The following LPP variants were observed in gnomAD, a reference collection of about 807,000 sequenced individuals.
LPP encodes the protein lipoma-preferred partner.
In LPP, 38 loss-of-function variants were observed where a neutral mutation model predicts 60.4. The observed-to-expected ratio is 0.63, with a 90% CI of 0.49 to 0.83. The LOEUF (loss-of-function observed/expected upper bound fraction) is 0.83. Ranked by LOEUF, LPP falls within the 40% of genes least tolerant of loss-of-function variation. LPP has a pLI of 0.00. For missense variants in LPP, 902 were observed against 783.6 expected, an observed-to-expected ratio of 1.15 and a Z score of -1.80; for synonymous variants, 328 against 290.8, an observed-to-expected ratio of 1.13 and a Z score of -1.30.
chr3:188,843,480 A>G (rs1445110027), intron 9 of LPP, among the ~76,000 whole-genome samples: 1 of 152,046 alleles, frequency 6.6e-6, no homozygotes, highest in Admixed American at 6.6e-5. Flanking sequence ...CTGACATCCT[A>G]CGGTCCCTTA....
intron 9 of LPP, among the ~76,000 whole-genome samples, chr3:188,815,909 T>C (rs774898103): frequency 6.6e-6 from 1 of 152,182 alleles, no homozygotes; most frequent in East Asian, 1.9e-4. Flanking sequence ...ATTACTGGGG[T>C]CTTTGTATCA....
chr3:188,601,709 T>G (rs1841206652), intron 6 of LPP, among the ~76,000 whole-genome samples: 1 of 152,176 alleles, frequency 6.6e-6, no homozygotes, highest in South Asian at 2.1e-4. Flanking sequence ...TAAAAAGCCC[T>G]AAATGATTCT....
chr3:188,487,988 C>T (rs1397256038), intron 5 of LPP, among the ~76,000 whole-genome samples: 2 of 150,884 alleles, frequency 1.3e-5, no homozygotes, highest in Admixed American at 6.6e-5. Flanking sequence ...CATCTAGTTA[C>T]AGTCCTTTCA....
intron 4 of LPP, among the ~76,000 whole-genome samples, chr3:188,471,782 A>T (rs113258357): frequency 2.0e-5 from 3 of 152,264 alleles, no homozygotes; most frequent in African/African-American, 7.2e-5. Flanking sequence ...TTTTAATGTA[A>T]TGCATTTATG....
chr3:188,600,572 T>G (rs1389918430), intron 6 of LPP, among the ~76,000 whole-genome samples: 1 of 152,020 alleles, frequency 6.6e-6, no homozygotes, highest in African/African-American at 2.4e-5. Context: ...ATACAGAATT[T>G]CACATTCTAA....
At chr3:188,641,513 G>A (rs1850119677) in intron 7 of LPP, among the ~76,000 whole-genome samples, 1 of 152,172 alleles carries the variant, frequency 6.6e-6, no homozygotes, top group South Asian at 2.1e-4. Flanking sequence ...GTTCAGCACA[G>A]TAATAAGGCT....
chr3:188,836,153 A>G (rs1758393535), intron 9 of LPP, among the ~76,000 whole-genome samples: 1 of 152,260 alleles, frequency 6.6e-6, no homozygotes, highest in Admixed American at 6.5e-5. Context: ...AGAAGAAGAC[A>G]GTAATGAAAA....
intron 1 of LPP, among the ~76,000 whole-genome samples, chr3:188,215,245 G>C (rs1713064501): frequency 6.6e-6 from 1 of 152,024 alleles, no homozygotes; most frequent in African/African-American, 2.4e-5. Flanking sequence ...AGTGGAGGTT[G>C]CAGTGAGCCA....
chr3:188,496,043 A>G (rs996026632), intron 5 of LPP, among the ~76,000 whole-genome samples: 4 of 152,190 alleles, frequency 2.6e-5, no homozygotes, highest in African/African-American at 7.2e-5. Context: ...TTGAGGGGTT[A>G]AGCTATTATT....
At chr3:188,811,800 T>C (rs1162536419) in intron 9 of LPP, among the ~76,000 whole-genome samples, 1 of 152,186 alleles carries the variant, frequency 6.6e-6, no homozygotes, top group Non-Finnish European at 1.5e-5. Flanking sequence ...GTTTGAGTAT[T>C]GGAACATTGT....
At chr3:188,843,919 T>C (rs564709044) in intron 9 of LPP, among the ~76,000 whole-genome samples, 182 of 152,152 alleles carry the variant, frequency 1.2e-3, no homozygotes, top group Middle Eastern at 0.01. Context: ...CCTCTTCCTC[T>C]CTCACACTCT....
At chr3:188,441,559 A>G (rs1275756213) in intron 4 of LPP, among the ~76,000 whole-genome samples, 1 of 150,126 alleles carries the variant, frequency 6.7e-6, no homozygotes, top group Non-Finnish European at 1.5e-5. Context: ...AAATCCCCCT[A>G]AAGTTTTCCA....
At chr3:188,705,089 A>G (rs1483184734) in intron 7 of LPP, among the ~76,000 whole-genome samples, 1 of 152,210 alleles carries the variant, frequency 6.6e-6, no homozygotes, top group Non-Finnish European at 1.5e-5. Flanking sequence ...ACTTGAAGTC[A>G]TCATGTTTAA....
chr3:188,764,551 G>A (rs988516349), intron 9 of LPP, among the ~76,000 whole-genome samples: 15 of 152,156 alleles, frequency 9.9e-5, no homozygotes, highest in Middle Eastern at 3.2e-3. Context: ...TATTAAAAGC[G>A]GAGGTTCATG....
chr3:188,269,158 G>T (rs1426387544), intron 2 of LPP, among the ~76,000 whole-genome samples: 2 of 152,130 alleles, frequency 1.3e-5, no homozygotes, highest in African/African-American at 2.4e-5. Context: ...TACTGTTAAG[G>T]GTTAATAGGT....
chr3:188,881,139 C>CAAAAAAAAAAAAGAAAAAAAAAAA lies in LPP; in HGVS notation c.*6672_*6673insGAAAAAAAAAAAAAAAAAAAAAAA, dbSNP rs1769954213. The stretch of plus-strand genomic sequence containing the variant: ...TGGGCGAAAGAGCGAGACTCCGTCT[C>CAAAAAAAAAAAAGAAAAAAAAAAA]AAAAAAAAAAAAAAAAAAATAGGAT... On this transcript the variant is annotated 3_prime_UTR_variant, in exon 12 of 12. Coordinates refer to ENST00000617246, the MANE Select transcript of LPP (RefSeq NM_001375462.1). 1.4e-5 allele frequency: 1 copy of CAAAAAAAAAAAAGAAAAAAAAAAA among 72,388 alleles called. No homozygotes were observed. The highest frequency in any genetic ancestry group is 4.4e-5 in the African/African-American group (1 of 22,700). 4.5% of individuals were successfully genotyped at this position (72,388 alleles called of 1,614,324 possible).
chr3:188,872,606 G>A (rs748407067), intron 10 of LPP, 37 bp from the exon 11 acceptor site: 16 of 1,613,322 alleles, frequency 9.9e-6, no homozygotes, highest in Admixed American at 3.3e-5. Flanking sequence ...CAGTGTCGAC[G>A]CGCAGTATCT....
chr3:188,225,687 G>A (rs1717480820), intron 2 of LPP, among the ~76,000 whole-genome samples, 160 bp downstream of exon 2: 1 of 152,170 alleles, frequency 6.6e-6, no homozygotes, highest in Non-Finnish European at 1.5e-5. Context: ...CTTCTTTCTT[G>A]AGTTGCTTTT....
chr3:188,589,557 A>T (rs964307457), intron 6 of LPP, among the ~76,000 whole-genome samples: 4 of 152,166 alleles, frequency 2.6e-5, no homozygotes, highest in African/African-American at 7.2e-5. Context: ...GTATTTTGAA[A>T]ACTCGAATGC....
Sources: allele counts gnomAD v4.1 joint callset (sites outside exome capture counted in the v4.1 genomes callset), GRCh38; gene constraint gnomAD v4.1.1; transcripts MANE v1.5; gene names NCBI Gene and HGNC (gene_info 2026-07-23, HGNC 2026-07-21).